The following DGCR2 variants were observed in gnomAD, a reference collection of about 807,000 sequenced individuals.
The protein encoded by DGCR2 is DiGeorge syndrome critical region gene 2.
A neutral mutation model predicts 51.6 loss-of-function variants in DGCR2; 24 were observed. The ratio of observed to expected loss-of-function variants is 0.47; its 90% CI spans 0.34 to 0.65. The LOEUF (loss-of-function observed/expected upper bound fraction) is 0.65. DGCR2 is among the 30% of genes least tolerant of loss of function. The pLI, the probability that DGCR2 is intolerant of heterozygous loss-of-function variation, is 0.01. For synonymous variants in DGCR2, 340 were observed against 315.4 expected, an observed-to-expected ratio of 1.08 and a Z score of -0.82; for missense variants, 765 against 772.1, an observed-to-expected ratio of 0.99 and a Z score of 0.11.
intron 7 of DGCR2, among the ~76,000 whole-genome samples, chr22:19,042,861 C>G (rs2082448558): frequency 6.6e-6 from 1 of 152,288 alleles, no homozygotes; most frequent in Non-Finnish European, 1.5e-5. Flanking sequence ...GGGCGTGAAG[C>G]CTGTCACTCC....
Position 19,039,085 on chromosome 22 carries a change from G to A in DGCR2, c.1433C>T (p.Pro478Leu). The A allele has an allele frequency of 1.2e-6, 2 of 1,613,224 alleles. No individual in the cohort carries two copies. The highest frequency in any genetic ancestry group is 1.7e-6 in the Non-Finnish European group (2 of 1,179,990). Residue 478 changes from proline (P) to leucine (L), a missense_variant, in exon 10 of 10, where the codon CCA becomes CTA. Pro to Leu is a moderately conservative substitution (Grantham distance 98). Around this residue, in one of 3 missense-constraint regions of DGCR2, gnomAD observed 205 missense variants for 181.4 expected, o/e 1.13. Coordinates refer to ENST00000263196, the MANE Select transcript of DGCR2 (RefSeq NM_005137.3). ...DAFEPVEVSL[P>L]APGDGGSEGA... ...TTCACTCCCACCATCCCCAGGGGCT[G>A]GCAGGCTGACCTCCACAGGCTCAAA... is the stretch of plus-strand genomic sequence containing the variant.
chr22:19,041,458 C>G, intron 8 of DGCR2, 164 bp from the exon 9 acceptor site: 1 of 676,956 alleles, frequency 1.5e-6, no homozygotes, highest in African/African-American at 1.8e-5. Context: ...CATGAGACCC[C>G]TGGTGTGCTC....
At chr22:19,114,357 C>T (rs1297418208) in intron 1 of DGCR2, among the ~76,000 whole-genome samples, 1 of 152,256 alleles carries the variant, frequency 6.6e-6, no homozygotes, top group African/African-American at 2.4e-5. Flanking sequence ...TCTCTCCATG[C>T]CCCATGGCTT....
intron 1 of DGCR2, among the ~76,000 whole-genome samples, chr22:19,116,927 A>C (rs993095082): frequency 1.3e-5 from 2 of 151,830 alleles, no homozygotes; most frequent in Non-Finnish European, 2.9e-5. Flanking sequence ...ACCTGCCACT[A>C]CTGCTAAGAG....
In DGCR2 at chr22:19,039,040, A is replaced by G; in HGVS notation, c.1478T>C (p.Leu493Pro). Residue 493 changes from leucine (L) to proline (P), a missense_variant, in exon 10 of 10, where the codon CTG (leucine) becomes CCG (proline). Transcript: ENST00000263196. ...CCCCGCAGTGGGCAGAGGCTGCTCC[A>G]GGCGCCGGAGTAATGCACCTTCACT... Reference protein sequence around the residue: ...GGSEGALLRRLEQPLPTAGAS... With the variant: ...GGSEGALLRRPEQPLPTAGAS... 6.2e-7 allele frequency: 1 copy of G among 1,612,976 alleles called. No homozygotes were observed. Among genetic ancestry groups the G allele is most frequent in the Non-Finnish European group, 8.5e-7 (1 of 1,179,908 alleles).
intron 2 of DGCR2, among the ~76,000 whole-genome samples, chr22:19,069,349 C>G (rs1179338059): frequency 1.3e-5 from 2 of 152,194 alleles, no homozygotes; most frequent in Non-Finnish European, 2.9e-5. Flanking sequence ...GTGTCATAGA[C>G]TTTGCAATGG....
chr22:19,108,615 C>A (rs2083284157), intron 1 of DGCR2, among the ~76,000 whole-genome samples: 1 of 130,264 alleles, frequency 7.7e-6, no homozygotes, highest in Non-Finnish European at 1.6e-5. Flanking sequence ...GATGCACAGG[C>A]CAACAGAACA....
chr22:19,087,231 CA>C (rs2083026783), intron 2 of DGCR2, among the ~76,000 whole-genome samples: 1 of 152,104 alleles, frequency 6.6e-6, no homozygotes, highest in Non-Finnish European at 1.5e-5. Flanking sequence ...AAAGACCCAC[CA>C]GAGAGGCTCC....
At chr22:19,072,820 G>A (rs2082830312) in intron 2 of DGCR2, among the ~76,000 whole-genome samples, 1 of 152,200 alleles carries the variant, frequency 6.6e-6, no homozygotes, top group Non-Finnish European at 1.5e-5. Flanking sequence ...GTTGCAGTGA[G>A]TGGAGATCGC....
chr22:19,097,248 T>C (rs1055323514), intron 1 of DGCR2, among the ~76,000 whole-genome samples: 4 of 152,000 alleles, frequency 2.6e-5, no homozygotes, highest in East Asian at 1.9e-4. Context: ...TATATATATA[T>C]ACATATATAG....
rs1217125343 is a variant in DGCR2 at position 19,039,057 on chromosome 22, A to G, written c.1461T>C (p.Gly487=). Residue 487 remains glycine (G), a synonymous_variant, in exon 10 of 10, where the codon GGT becomes GGC. Coordinates refer to ENST00000263196, the MANE Select transcript of DGCR2 (RefSeq NM_005137.3). The part of the protein sequence containing the change: ...LPAPGDGGSE[G]ALLRRLEQPL... ...GCTGCTCCAGGCGCCGGAGTAATGC[A>G]CCTTCACTCCCACCATCCCCAGGGG... is the stretch of plus-strand genomic sequence containing the variant. 6.2e-7 allele frequency: 1 copy of G among 1,613,014 alleles called. No individual in the cohort carries two copies. The highest frequency in any genetic ancestry group is 1.3e-5 in the African/African-American group (1 of 74,912).
Position 19,091,041 on chromosome 22 carries a change from G to A in DGCR2, c.80-1551C>T, listed in dbSNP as rs139841968. Among the ~76,000 whole-genome samples the A allele has an allele frequency of 2.6e-3, 395 of 150,840 alleles. 2 individuals carry two copies. Among genetic ancestry groups the A allele is most frequent in the Non-Finnish European group, 3.3e-3 (222 of 67,902 alleles). ...TAAAAGAATAAAAAAGATATACCAT[G>A]TTAACACTAATCAAAGGATAGCTGG... On this transcript the variant is annotated intron_variant, in intron 1 of 9. Transcript: ENST00000263196.
At position 19,114,152 on chromosome 22, in the gene DGCR2, G is replaced by GA. The variant is rs74403708; in HGVS notation, c.79+7975dup. Among the ~76,000 whole-genome samples the GA allele has an allele frequency of 2.6e-3, 302 of 114,892 alleles. 1 individual carries two copies. The highest frequency in any genetic ancestry group is 6.6e-3 in the African/African-American group (225 of 33,908). 75.4% of individuals were successfully genotyped at this position (114,892 alleles called of 152,430 possible). ...TCCTCTCCATCTTTTGTTACCAAAG[G>GA]AAAAAAAAAAAAAAGAATGAAGTTA... On this transcript the variant is annotated intron_variant, in intron 1 of 9. Transcript: ENST00000263196.
chr22:19,091,830 C>T (rs2083082140), intron 1 of DGCR2, among the ~76,000 whole-genome samples: 1 of 150,098 alleles, frequency 6.7e-6, no homozygotes, highest in Non-Finnish European at 1.5e-5. Context: ...ATCCCAGCAA[C>T]GTGGGAGGCT....
intron 4 of DGCR2, among the ~76,000 whole-genome samples, chr22:19,064,459 G>A (rs1239266266): frequency 1.3e-5 from 2 of 152,300 alleles, no homozygotes; most frequent in East Asian, 3.9e-4. Flanking sequence ...TTCTTGGGGG[G>A]AACCCCCACC....
At chr22:19,083,672 TCCCCTCTCCCTCTCCCTCTCC>T (rs370449364) in intron 2 of DGCR2, among the ~76,000 whole-genome samples, 14,099 of 147,044 alleles carry the variant, frequency 0.096, 806 homozygotes, top group Middle Eastern at 0.15. Flanking sequence ...CAAAGATGGT[TCCCCTCTCCCTCTCCCTCTCC>T]CCCCTCCCCC....
intron 6 of DGCR2, among the ~76,000 whole-genome samples, chr22:19,054,239 G>A (rs999543546): frequency 3.9e-5 from 6 of 152,252 alleles, no homozygotes; most frequent in East Asian, 3.9e-4. Context: ...AGTATAAAAC[G>A]CTTAATTAAG....
At chr22:19,076,401 G>C (rs574900405) in intron 2 of DGCR2, among the ~76,000 whole-genome samples, 4 of 152,052 alleles carry the variant, frequency 2.6e-5, no homozygotes, top group African/African-American at 4.8e-5. Context: ...CTGACCTCAA[G>C]TGATCCGCCC....
chr22:19,048,194 T>G (rs933646072), intron 7 of DGCR2: 11 of 568,486 alleles, frequency 1.9e-5, no homozygotes, highest in African/African-American at 1.9e-4. Flanking sequence ...TGAGTTCAAG[T>G]TCATTTGTGA....
Sources: gnomAD v4.1 joint callset for allele counts (sites outside exome capture counted in the v4.1 genomes callset) on GRCh38, gnomAD v4.1.1 for gene constraint, gnomAD v4.1.1 regional missense constraint, MANE v1.5 for transcripts, NCBI Gene and HGNC (gene_info 2026-07-23, HGNC 2026-07-21) for gene names.